Variants in NDUFS6 observed in about 807,000 individuals in gnomAD.
The protein encoded by NDUFS6 is NADH dehydrogenase [ubiquinone] iron-sulfur protein 6, mitochondrial.
In NDUFS6, 14 loss-of-function variants were observed where a neutral mutation model predicts 13.2. The ratio of observed to expected loss-of-function variants is 1.06; its 90% CI spans 0.70 to 1.66. The LOEUF is 1.66. Among genes scored for constraint, NDUFS6 ranks in the 40% most tolerant of loss-of-function variants. NDUFS6 has a pLI of 0.00. For synonymous variants in NDUFS6, 95 were observed against 72.3 expected (o/e 1.31, Z -1.60); for missense variants, 206 against 170.8 (o/e 1.21, Z -1.15).
chr5:1,814,402 G>A lies in NDUFS6; in HGVS notation c.250G>A (p.Val84Met), dbSNP rs755752060. 1.6e-5 allele frequency: 26 copies of A among 1,614,110 alleles called. No individual in the cohort carries two copies. Among genetic ancestry groups the A allele is most frequent in the Non-Finnish European group, 2.2e-5 (26 of 1,180,052 alleles). The change falls in exon 3 of 4, where the codon GTG becomes ATG. Residue 84 changes from valine (V) to methionine (M), a missense_variant. Physicochemically the swap from Val to Met is conservative, Grantham distance 21 (BLOSUM62 1). Transcript: ENST00000274137. This position sits in a 1 kb window ranked among gnomAD's most constrained non-coding sequence, Gnocchi z 4.9. ...GCCCGTGAGCGAGGTGGAGACTCGG[G>A]TGATAGCGTGCGATGGCGGCGGGGG... is the stretch of plus-strand genomic sequence containing the variant. Reference protein sequence around the residue: ...EQPVSEVETRVIACDGGGGAL... With the variant: ...EQPVSEVETRMIACDGGGGAL...
intron 2 of NDUFS6, among the ~76,000 whole-genome samples, chr5:1,803,162 A>G (rs556145879): frequency 6.6e-6 from 1 of 152,320 alleles, no homozygotes; most frequent in Non-Finnish European, 1.5e-5. Flanking sequence ...TACGTTATCC[A>G]TTCCCAGTGT....
intron 3 of NDUFS6, 113 bp from the exon 4 acceptor site, chr5:1,815,738 T>C: frequency 1.9e-6 from 2 of 1,052,184 alleles, no homozygotes; most frequent in South Asian, 1.3e-5. Flanking sequence ...CAGTAGTAAC[T>C]GCGTATTTTT....
At chr5:1,802,052 C>T (rs1027133006) in intron 1 of NDUFS6, 5 of 487,474 alleles carry the variant, frequency 1.0e-5, no homozygotes, top group Middle Eastern at 5.6e-4. Flanking sequence ...GGGCGGTTCT[C>T]CTCGGTCAGG....
In NDUFS6 at chr5:1,801,436, T is replaced by G; in HGVS notation, c.19T>G (p.Phe7Val). 6.2e-7 allele frequency: 1 copy of G among 1,605,054 alleles called. No homozygotes were observed. The highest frequency in any genetic ancestry group is 8.5e-7 in the Non-Finnish European group (1 of 1,178,390). ...GCGCAAAATGGCGGCGGCGATGACCTTCTGCCGGCTGCTGAACCGGTGTGG... is the reference window on the plus strand; with the variant it reads ...GCGCAAAATGGCGGCGGCGATGACCGTCTGCCGGCTGCTGAACCGGTGTGG... Reference protein sequence around the residue: MAAAMTFCRLLNRCGEA... With the variant: MAAAMTVCRLLNRCGEA... The change falls in exon 1 of 4, where the codon TTC becomes GTC. Residue 7 changes from phenylalanine to valine, a missense_variant. By Grantham distance (50) the Phe-to-Val change is conservative. Coordinates refer to ENST00000274137, the MANE Select transcript of NDUFS6 (RefSeq NM_004553.6).
intron 1 of NDUFS6, 62 bp downstream of exon 1, chr5:1,801,611 G>C: frequency 1.3e-6 from 2 of 1,522,448 alleles, no homozygotes; most frequent in Non-Finnish European, 1.8e-6. Context: ...ACTGGTGGCA[G>C]TGGGCTCGCC....
At chr5:1,803,069 C>T (rs2111347565) in intron 2 of NDUFS6, among the ~76,000 whole-genome samples, 1 of 152,250 alleles carries the variant, frequency 6.6e-6, no homozygotes. Flanking sequence ...TTCTTTTTCC[C>T]ACTTTGGTTA....
chr5:1,811,123 TTATTA>T (rs552906657), intron 2 of NDUFS6, among the ~76,000 whole-genome samples: 5 of 152,388 alleles, frequency 3.3e-5, no homozygotes, highest in African/African-American at 1.2e-4. Flanking sequence ...CTAGCTTACT[TTATTA>T]TAAGAATCCA....
intron 1 of NDUFS6, among the ~76,000 whole-genome samples, chr5:1,801,912 T>C (rs1165153904): frequency 1.3e-5 from 2 of 152,240 alleles, no homozygotes; most frequent in African/African-American, 4.8e-5. Flanking sequence ...AGAAGTCGGT[T>C]GTAGTCCAAG....
chr5:1,813,449 T>C (rs973331730), intron 2 of NDUFS6, among the ~76,000 whole-genome samples: 2 of 152,206 alleles, frequency 1.3e-5, no homozygotes, highest in African/African-American at 2.4e-5. Flanking sequence ...TGTTCAGTGC[T>C]TTCTCCTTTG....
chr5:1,815,347 C>T (rs964324782), intron 3 of NDUFS6, among the ~76,000 whole-genome samples: 4 of 152,138 alleles, frequency 2.6e-5, no homozygotes, highest in African/African-American at 7.2e-5. Context: ...TGGTGTTCTC[C>T]CCAAAGCAGA....
rs1734263989 is a variant in NDUFS6 at position 1,814,082 on chromosome 5, G to T, written c.187-257G>T. Among the ~76,000 whole-genome samples the T allele has an allele frequency of 6.6e-6, 1 of 152,258 alleles. No individual in the cohort carries two copies. The highest frequency in any genetic ancestry group is 2.4e-5 in the African/African-American group (1 of 41,464). On this transcript the variant is annotated intron_variant, in intron 2 of 3. Transcript: ENST00000274137. The surrounding 1 kb of genome is among the most constrained non-coding windows in gnomAD (Gnocchi z 4.9). ...CGGGGCACGTGTCAGCATTTGCTGG[G>T]TCCACGGGGACAGAAGGGAAAGGCT...
rs1009884425 is a variant in NDUFS6 at position 1,814,655 on chromosome 5, C to T, written c.309+194C>T. The T allele has an allele frequency of 1.5e-5, 13 of 879,990 alleles. No individual in the cohort carries two copies. The highest frequency in any genetic ancestry group is 2.0e-5 in the Non-Finnish European group (11 of 547,388). 54.5% of individuals were successfully genotyped at this position (879,990 alleles called of 1,614,324 possible). A position where few individuals can be genotyped will look rare whatever the true frequency, so the allele number is the denominator to read the frequency against. ...CTACATAGAGCCGCCTGTCCGAAAA[C>T]CCCCTTTCAACTGTGAAGTGGTGGG... On this transcript the variant is annotated intron_variant, in intron 3 of 3. Coordinates refer to ENST00000274137, the MANE Select transcript of NDUFS6 (RefSeq NM_004553.6). This position sits in a 1 kb window ranked among gnomAD's most constrained non-coding sequence, Gnocchi z 4.9.
chr5:1,805,253 C>T lies in NDUFS6; in HGVS notation c.186+2879C>T, dbSNP rs1224405052. 2.6e-5 allele frequency among the ~76,000 whole-genome samples: 4 copies of T among 152,214 alleles called. No homozygotes were observed. The East Asian group carries it at 7.7e-4, about 29-fold the overall frequency. The stretch of plus-strand genomic sequence containing the variant: ...GGCTGAGGTGGGAGGGTCATTGAGT[C>T]TGGGAGGTTGAGGCTGCAGGGAGCT... On this transcript the variant is annotated intron_variant, in intron 2 of 3. Transcript: ENST00000274137.
rs780878076 is a variant in NDUFS6 at position 1,814,303 on chromosome 5, T to C, written c.187-36T>C. On this transcript the variant is annotated intron_variant, in intron 2 of 3. Coordinates refer to ENST00000274137, the MANE Select transcript of NDUFS6 (RefSeq NM_004553.6). The surrounding 1 kb of genome is among the most constrained non-coding windows in gnomAD (Gnocchi z 4.9). ...AAATTGTATGTAGTTAGCAAGTTTG[T>C]GTATTTGTTTACGTAAGTCTTTCTT... is the stretch of plus-strand genomic sequence containing the variant. The C allele has an allele frequency of 6.2e-7, 1 of 1,614,016 alleles. No individual in the cohort carries two copies. Among genetic ancestry groups the C allele is most frequent in the African/African-American group, 1.3e-5 (1 of 74,940 alleles).
At chr5:1,811,446 A>G (rs994526776) in intron 2 of NDUFS6, among the ~76,000 whole-genome samples, 13 of 152,362 alleles carry the variant, frequency 8.5e-5, no homozygotes, top group Middle Eastern at 3.4e-3. Flanking sequence ...TTAAATATCT[A>G]AGTGGTGTTA....
At position 1,814,642 on chromosome 5, in the gene NDUFS6, G is replaced by A. The variant is rs775395630; in HGVS notation, c.309+181G>A. 7.4e-5 allele frequency: 71 copies of A among 957,476 alleles called. 2 individuals carry two copies. The highest frequency in any genetic ancestry group is 6.2e-4 in the South Asian group (45 of 72,740). The allele number at this position is 957,476 out of a possible 1,614,324, so 59.3% of individuals were successfully genotyped here. A position where few individuals can be genotyped will look rare whatever the true frequency, so the allele number is the denominator to read the frequency against. ...CACACTACAGGGCCTACATAGAGCC[G>A]CCTGTCCGAAAACCCCCTTTCAACT... On this transcript the variant is annotated intron_variant, in intron 3 of 3. Coordinates refer to ENST00000274137, the MANE Select transcript of NDUFS6 (RefSeq NM_004553.6). The surrounding 1 kb of genome is among the most constrained non-coding windows in gnomAD (Gnocchi z 4.9).
At chr5:1,801,716 C>G (rs373132911) in intron 1 of NDUFS6, among the ~76,000 whole-genome samples, 167 bp downstream of exon 1, 9 of 152,298 alleles carry the variant, frequency 5.9e-5, no homozygotes, top group African/African-American at 2.2e-4. Context: ...CGAGTCGGGA[C>G]GGTGGTGGCA....
chr5:1,805,862 G>A (rs1463127176), intron 2 of NDUFS6, among the ~76,000 whole-genome samples: 3 of 152,202 alleles, frequency 2.0e-5, no homozygotes, highest in Non-Finnish European at 2.9e-5. Context: ...AGCTGGGGCT[G>A]CCCTGCCTGG....
Position 1,814,793 on chromosome 5 carries a change from A to C in NDUFS6, c.309+332A>C. 1.5e-6 allele frequency: 1 copy of C among 664,600 alleles called. No homozygotes were observed. The highest frequency in any genetic ancestry group is 2.7e-5 in the East Asian group (1 of 36,902). 41.2% of individuals were successfully genotyped at this position (664,600 alleles called of 1,614,324 possible). ...CACAGCACCGCAGGCTGGGGTCGAAAACAACAAACACATTTCCCACAGCGC... is the reference window on the plus strand; with the variant it reads ...CACAGCACCGCAGGCTGGGGTCGAACACAACAAACACATTTCCCACAGCGC... On this transcript the variant is annotated intron_variant, in intron 3 of 3. Coordinates refer to ENST00000274137, the MANE Select transcript of NDUFS6 (RefSeq NM_004553.6). This position sits in a 1 kb window ranked among gnomAD's most constrained non-coding sequence, Gnocchi z 4.9.
Sources: allele counts gnomAD v4.1 joint callset (sites outside exome capture counted in the v4.1 genomes callset), GRCh38; gene constraint gnomAD v4.1.1; non-coding constraint Gnocchi (gnomAD v3.1); transcripts MANE v1.5; gene names NCBI Gene and HGNC (gene_info 2026-07-23, HGNC 2026-07-21).